The following USP16 variants were observed in gnomAD, a reference collection of about 807,000 sequenced individuals.
USP16 encodes the protein ubiquitin carboxyl-terminal hydrolase 16.
In USP16, 77 loss-of-function variants were observed where a neutral mutation model predicts 95.9. The ratio of observed to expected loss-of-function variants is 0.80; its 90% confidence interval spans 0.67 to 0.97. The LOEUF (loss-of-function observed/expected upper bound fraction) is 0.97. USP16 is among the 50% of genes least tolerant of loss of function. The pLI is 0.00. For synonymous variants in USP16, 303 were observed against 318.2 expected, an observed-to-expected ratio of 0.95 and a Z score of 0.51; for missense variants, 943 against 959.9, an observed-to-expected ratio of 0.98 and a Z score of 0.23.
intron 1 of USP16, among the ~76,000 whole-genome samples, chr21:29,025,556 CCT>C (rs1421460475): frequency 1.3e-5 from 2 of 152,138 alleles, no homozygotes; most frequent in African/African-American, 4.8e-5. Context: ...TGGAGTGACC[CCT>C]CTGTCCTCTG....
chr21:29,037,394 T>A lies in USP16; in HGVS notation c.567T>A (p.Ser189=). 6.2e-7 allele frequency: 1 copy of A among 1,610,148 alleles called. No homozygotes were observed. The highest frequency in any genetic ancestry group is 8.5e-7 in the Non-Finnish European group (1 of 1,178,562). ...NMAKENPPMN[S]PCQITVKGLS... is the part of the protein sequence containing the mutation. ...CTAAAGAGAATCCTCCCATGAATTC[T>A]CCTTGCCAAATAACCGTGAAAGGAC... The change falls in exon 6 of 18, where the codon TCT becomes TCA. Residue 189 remains serine (S), a synonymous_variant. Coordinates refer to ENST00000399976, the MANE Select transcript of USP16 (RefSeq NM_006447.3).
At chr21:29,039,345 G>T (rs2085210119) in intron 8 of USP16, 136 bp from the exon 9 acceptor site, 2 of 1,136,604 alleles carry the variant, frequency 1.8e-6, no homozygotes, top group African/African-American at 3.1e-5. Context: ...TCTCCCAAGG[G>T]TGTTAATGGA....
At position 29,037,276 on chromosome 21, in the gene USP16, C is replaced by G; in HGVS notation, c.449C>G (p.Ala150Gly). 6.6e-7 allele frequency: 1 copy of G among 1,505,132 alleles called. No individual in the cohort carries two copies. The highest frequency in any genetic ancestry group is 2.3e-5 in the East Asian group (1 of 43,838). The allele number at this position is 1,505,132 out of a possible 1,614,324, so 93.2% of individuals were successfully genotyped here. The part of the protein sequence containing the change: ...KQASITTPKP[A>G]EKDNGNIELE... ...TGCTAAATCTTTTCTTTTTTTAAAG[C>G]AGAGAAAGATAATGGAAATATTGAA... is the stretch of plus-strand genomic sequence containing the variant. The change falls in exon 6 of 18, where the codon GCA (alanine) becomes GGA (glycine). Residue 150 changes from alanine (A) to glycine (G), a missense_variant and splice_region_variant. Transcript: ENST00000399976.
chr21:29,044,447 C>CTTTTTTT (rs5843364), intron 13 of USP16, among the ~76,000 whole-genome samples: 2 of 120,594 alleles, frequency 1.7e-5, no homozygotes, highest in African/African-American at 3.0e-5. Context: ...CTTCTTCATT[C>CTTTTTTT]TTTTTTTTTT....
At chr21:29,048,634 C>A in intron 14 of USP16, 127 bp from the exon 15 acceptor site, 1 of 660,744 alleles carries the variant, frequency 1.5e-6, no homozygotes, top group African/African-American at 1.8e-5. Flanking sequence ...TATTTGTTAT[C>A]TAGTACTTCA....
At chr21:29,036,170 A>G (rs759519134) in intron 4 of USP16, 101 bp from the exon 5 acceptor site, 51 of 932,900 alleles carry the variant, frequency 5.5e-5, no homozygotes, top group Non-Finnish European at 8.2e-5. Context: ...CTTTAATAGA[A>G]TAAGTTGGCA....
At chr21:29,024,923 C>A in intron 1 of USP16, 146 bp downstream of exon 1, 2 of 831,200 alleles carry the variant, frequency 2.4e-6, no homozygotes, top group Non-Finnish European at 3.2e-6. Flanking sequence ...GTACTGCGAT[C>A]TCATTGGCTG....
chr21:29,034,553 T>C (rs770352746), intron 3 of USP16, among the ~76,000 whole-genome samples: 4 of 152,016 alleles, frequency 2.6e-5, no homozygotes, highest in Non-Finnish European at 5.9e-5. Flanking sequence ...CCTCAGGTGA[T>C]CCCACCCCTG....
At chr21:29,031,258 G>GTGATCTTT (rs777226840) in intron 3 of USP16, among the ~76,000 whole-genome samples, 74 of 152,272 alleles carry the variant, frequency 4.9e-4, no homozygotes, top group Non-Finnish European at 6.9e-4. Flanking sequence ...TTGGCAGTGA[G>GTGATCTTT]GGCATGTCTG....
At chr21:29,031,719 G>A (rs531092868) in intron 3 of USP16, among the ~76,000 whole-genome samples, 2 of 152,296 alleles carry the variant, frequency 1.3e-5, no homozygotes, top group East Asian at 1.9e-4. Flanking sequence ...GAATACAGGC[G>A]TGAGCCACTG....
At chr21:29,051,517 A>T (rs2085413454) in intron 16 of USP16, among the ~76,000 whole-genome samples, 1 of 152,140 alleles carries the variant, frequency 6.6e-6, no homozygotes, top group South Asian at 2.1e-4. Context: ...ACCACAAAGG[A>T]TCTCAAAGAA....
Position 29,047,086 on chromosome 21 carries a change from A to C in USP16, c.1776A>C (p.Ile592=), listed in dbSNP as rs765981729. The C allele has an allele frequency of 6.2e-7, 1 of 1,614,072 alleles. No homozygotes were observed. Among genetic ancestry groups the C allele is most frequent in the Non-Finnish European group, 8.5e-7 (1 of 1,179,992 alleles). ...CTCTTCATCCTGATGAAATAAATAT[A>C]GAGATTCTGAATGATAGTCATACTC... ...NAALHPDEIN[I]EILNDSHTPG... Residue 592 remains isoleucine, a synonymous_variant, in exon 14 of 18, where the codon ATA becomes ATC. Transcript: ENST00000399976.
At chr21:29,039,593 TTTATGATC>T (rs1250701948) in intron 9 of USP16, 25 bp downstream of exon 9, 2 of 1,594,878 alleles carry the variant, frequency 1.3e-6, no homozygotes, top group African/African-American at 1.3e-5. Context: ...ACCATTGTAT[TTTATGATC>T]TTATCTTCAT....
intron 6 of USP16, 56 bp from the exon 7 acceptor site, chr21:29,038,279 C>T: frequency 1.7e-6 from 2 of 1,184,388 alleles, no homozygotes; most frequent in South Asian, 2.6e-5. Flanking sequence ...TAAGAAGTGT[C>T]AGAGTTGATT....
In USP16 at chr21:29,048,805, AT is replaced by A. The variant is rs748373501; in HGVS notation, c.2059del (p.Ser687LeufsTer11). The part of the protein sequence containing the change: ...VYTNAKKQML[I>X]SLAPPVLTLH... ...CACCAATGCCAAAAAGCAGATGCTA[AT>A]TTCTCTTGCTCCTCCTGTTCTTACT... On this transcript the variant is annotated frameshift_variant, in exon 15 of 18. Coordinates refer to ENST00000399976, the MANE Select transcript of USP16 (RefSeq NM_006447.3). LOFTEE classifies it high-confidence loss of function. 6.2e-7 allele frequency: 1 copy of A among 1,613,756 alleles called. No individual in the cohort carries two copies. The highest frequency in any genetic ancestry group is 1.3e-5 in the African/African-American group (1 of 74,910).
rs201922742 is a variant in USP16 at position 29,043,604 on chromosome 21, G to T, written c.1356+5G>T. ...CAAGCCAAAAAGCAAGCCAAGGTGG[G>T]TAATTAGGAGGAAAATCATATGCTT... is the stretch of plus-strand genomic sequence containing the variant. On this transcript the variant is annotated splice_donor_5th_base_variant and intron_variant, in intron 13 of 17. Transcript: ENST00000399976. 6.6e-7 allele frequency: 1 copy of T among 1,526,270 alleles called. No homozygotes were observed. Among genetic ancestry groups the T allele is most frequent in the East Asian group, 2.4e-5 (1 of 41,686 alleles). The allele number at this position is 1,526,270 out of a possible 1,614,324, so 94.5% of individuals were successfully genotyped here.
At position 29,030,608 on chromosome 21, in the gene USP16, A is replaced by G. The variant is rs759604143; in HGVS notation, c.75A>G (p.Arg25=). ...DSSETLEPVC[R]HIRKGLEQGN... ...TTGTTTTAATAGAACCTGTGTGCAG[A>G]CACATTAGAAAAGGATTGGAACAAG... Residue 25 remains arginine (R), a synonymous_variant, in exon 3 of 18, where the codon AGA becomes AGG. Transcript: ENST00000399976. The G allele has an allele frequency of 4.4e-6, 7 of 1,604,544 alleles. No individual in the cohort carries two copies. Among genetic ancestry groups the G allele is most frequent in the Admixed American group, 1.7e-5 (1 of 57,644 alleles).
Position 29,046,801 on chromosome 21 carries a change from T to C in USP16, c.1491T>C (p.His497=). Residue 497 remains histidine, a synonymous_variant, in exon 14 of 18, where the codon CAT becomes CAC. Coordinates refer to ENST00000399976, the MANE Select transcript of USP16 (RefSeq NM_006447.3). ...GAGAAGTAAATATTAAATCCAACCA[T>C]ATTTCACAAGAGGGTGTTATGCATA... is the stretch of plus-strand genomic sequence containing the variant. The part of the protein sequence containing the change: ...LQGEVNIKSN[H]ISQEGVMHKE... The C allele has an allele frequency of 6.2e-7, 1 of 1,614,106 alleles. No homozygotes were observed. The highest frequency in any genetic ancestry group is 8.5e-7 in the Non-Finnish European group (1 of 1,180,016).
At chr21:29,045,439 T>G (rs956064517) in intron 13 of USP16, among the ~76,000 whole-genome samples, 1 of 152,230 alleles carries the variant, frequency 6.6e-6, no homozygotes, top group Non-Finnish European at 1.5e-5. Context: ...CTTTACTCTC[T>G]TCTGTATGTG....
Sources: gnomAD v4.1 joint callset for allele counts (sites outside exome capture counted in the v4.1 genomes callset) on GRCh38, gnomAD v4.1.1 for gene constraint, MANE v1.5 for transcripts, NCBI Gene and HGNC (gene_info 2026-07-23, HGNC 2026-07-21) for gene names.